The following ZNF407 variants were observed in gnomAD, a reference collection of about 807,000 sequenced individuals.
The protein encoded by ZNF407 is zinc finger protein 407.
Under a neutral mutation model 131.2 loss-of-function variants are expected in ZNF407, and 17 were observed. The ratio of observed to expected loss-of-function variants is 0.13; its 90% CI spans 0.09 to 0.19. The LOEUF is 0.19. ZNF407 is among the 10% of genes least tolerant of loss of function. The pLI is 1.00. For synonymous variants in ZNF407, 1,156 were observed against 1,062.0 expected, an observed-to-expected ratio of 1.09 and a Z score of -1.72; for missense variants, 2,681 against 2,830.6, an observed-to-expected ratio of 0.95 and a Z score of 1.20.
intron 4 of ZNF407, among the ~76,000 whole-genome samples, chr18:74,814,561 G>T (rs961615936): frequency 1.3e-5 from 2 of 151,306 alleles, no homozygotes; most frequent in African/African-American, 2.4e-5. Context: ...GTTTGTTGAA[G>T]AACAATCAGT....
chr18:74,636,651 T>G (rs1984476644), intron 2 of ZNF407, among the ~76,000 whole-genome samples: 2 of 152,226 alleles, frequency 1.3e-5, no homozygotes, highest in Non-Finnish European at 1.5e-5. Flanking sequence ...TAGTGCATGG[T>G]TACGAGGAAG....
chr18:74,796,122 C>G (rs932795495), intron 4 of ZNF407, among the ~76,000 whole-genome samples: 1 of 152,144 alleles, frequency 6.6e-6, no homozygotes, highest in Non-Finnish European at 1.5e-5. Context: ...TATTTTCATT[C>G]TAGAAAAAAA....
intron 8 of ZNF407, among the ~76,000 whole-genome samples, chr18:74,961,740 A>G (rs1305779000): frequency 1.3e-5 from 2 of 151,982 alleles, no homozygotes; most frequent in African/African-American, 4.8e-5. Flanking sequence ...AAAGTTTGCA[A>G]AGTGCCCAGA....
chr18:74,953,978 G>A (rs889542547), intron 8 of ZNF407, among the ~76,000 whole-genome samples: 2 of 152,204 alleles, frequency 1.3e-5, no homozygotes, highest in African/African-American at 4.8e-5. Flanking sequence ...TGTATGTTTT[G>A]TGTGTGTGCA....
intron 8 of ZNF407, among the ~76,000 whole-genome samples, chr18:74,948,186 A>C (rs1317465640): frequency 6.6e-6 from 1 of 152,186 alleles, no homozygotes; most frequent in African/African-American, 2.4e-5. Context: ...AGAAGAGCAA[A>C]TTCTTTTCAT....
At chr18:74,684,910 T>A (rs1967063043) in intron 3 of ZNF407, among the ~76,000 whole-genome samples, 1 of 152,324 alleles carries the variant, frequency 6.6e-6, no homozygotes, top group Non-Finnish European at 1.5e-5. Flanking sequence ...ACTATAAACC[T>A]ACACTTTCTT....
chr18:75,014,215 A>T (rs768380384), intron 8 of ZNF407, among the ~76,000 whole-genome samples: 19 of 151,974 alleles, frequency 1.3e-4, no homozygotes, highest in Non-Finnish European at 4.4e-5. Flanking sequence ...TTACATTGGG[A>T]TTTGGGGATC....
chr18:75,044,970 G>A (rs75084224), intron 8 of ZNF407, among the ~76,000 whole-genome samples: 5,788 of 151,530 alleles, frequency 0.038, 192 homozygotes, highest in African/African-American at 0.084. Context: ...CTTCTAGGAT[G>A]TTATTGTAAA....
At chr18:74,693,787 C>T (rs1967285828) in intron 3 of ZNF407, among the ~76,000 whole-genome samples, 1 of 151,970 alleles carries the variant, frequency 6.6e-6, no homozygotes, top group Non-Finnish European at 1.5e-5. Flanking sequence ...AATTTCAGGT[C>T]ATTATTTCTT....
chr18:74,672,777 A>C (rs530786367), intron 3 of ZNF407, among the ~76,000 whole-genome samples: 1 of 152,188 alleles, frequency 6.6e-6, no homozygotes, highest in South Asian at 2.1e-4. Flanking sequence ...GGGAAAGTAA[A>C]TATTTTTTAA....
At chr18:75,052,048 G>C (rs1973507178) in intron 8 of ZNF407, among the ~76,000 whole-genome samples, 1 of 152,162 alleles carries the variant, frequency 6.6e-6, no homozygotes, top group East Asian at 1.9e-4. Context: ...CTTTGGATAA[G>C]GAACGTGATG....
At chr18:74,885,102 CTTA>C (rs1367388204) in intron 6 of ZNF407, among the ~76,000 whole-genome samples, 1 of 152,030 alleles carries the variant, frequency 6.6e-6, no homozygotes, top group Non-Finnish European at 1.5e-5. Flanking sequence ...ACCACTTAGA[CTTA>C]TTATATTGAA....
intron 3 of ZNF407, among the ~76,000 whole-genome samples, chr18:74,708,711 TG>T (rs1480733183): frequency 1.3e-5 from 2 of 152,202 alleles, no homozygotes; most frequent in Non-Finnish European, 2.9e-5. Context: ...CATCCTTCCT[TG>T]GTGGGGTCTG....
intron 3 of ZNF407, among the ~76,000 whole-genome samples, chr18:74,659,304 C>T (rs1467359689): frequency 6.6e-6 from 1 of 152,070 alleles, no homozygotes; most frequent in African/African-American, 2.4e-5. Flanking sequence ...GCTGGTTGAA[C>T]ACCATGTAGG....
intron 7 of ZNF407, among the ~76,000 whole-genome samples, chr18:74,904,137 G>A (rs1971564863): frequency 6.6e-6 from 1 of 152,180 alleles, no homozygotes; most frequent in African/African-American, 2.4e-5. Flanking sequence ...AAAGTCTGCT[G>A]CATGTTTTTA....
At chr18:75,014,747 A>G (rs1455418857) in intron 8 of ZNF407, among the ~76,000 whole-genome samples, 2 of 152,070 alleles carry the variant, frequency 1.3e-5, no homozygotes, top group African/African-American at 4.8e-5. Context: ...TTTTTTTTAT[A>G]TACAAATTGA....
Position 75,019,229 on chromosome 18 carries a change from A to G in ZNF407, c.5429-43921A>G, listed in dbSNP as rs909961985. 9.2e-5 allele frequency among the ~76,000 whole-genome samples: 14 copies of G among 152,316 alleles called. 1 individual carries two copies. The highest frequency in any genetic ancestry group is 3.4e-4 in the African/African-American group (14 of 41,568). On this transcript the variant is annotated intron_variant, in intron 8 of 8. Coordinates refer to ENST00000299687, the MANE Select transcript of ZNF407 (RefSeq NM_017757.3). ...TTGAGGTAGCTTATATAAAATACAT[A>G]AATACATACAGAATACATAAAATAA... is the stretch of plus-strand genomic sequence containing the variant.
At chr18:75,029,318 G>C (rs912048843) in intron 8 of ZNF407, among the ~76,000 whole-genome samples, 5 of 152,220 alleles carry the variant, frequency 3.3e-5, no homozygotes, top group Admixed American at 6.5e-5. Flanking sequence ...TCTTGTGAGT[G>C]TTTTATATAG....
In ZNF407 at chr18:74,790,043, C is replaced by G. The variant is rs150538466; in HGVS notation, c.4877+8541C>G. Among the ~76,000 whole-genome samples, 40 of 152,188 alleles carry G rather than the reference C, an allele frequency of 2.6e-4. No individual in the cohort carries two copies. The East Asian group carries it at 7.5e-3, about 29-fold the overall frequency. On this transcript the variant is annotated intron_variant, in intron 4 of 8. Coordinates refer to ENST00000299687, the MANE Select transcript of ZNF407 (RefSeq NM_017757.3). ...ATCTCTAATTGGTCTTCTTTTTCAT[C>G]ACATTCCTATGGAACATTAGAGAAT...
Sources: gnomAD v4.1 joint callset for allele counts (sites outside exome capture counted in the v4.1 genomes callset) on GRCh38, gnomAD v4.1.1 for gene constraint, MANE v1.5 for transcripts, NCBI Gene and HGNC (gene_info 2026-07-23, HGNC 2026-07-21) for gene names.